GLRA2: variants seen among roughly 807,000 people sequenced by gnomAD.
GLRA2 encodes glycine receptor subunit alpha-2.
GLRA2 carries 11 observed loss-of-function variants against 31.6 expected under a neutral mutation model. That is an observed-to-expected ratio of 0.35 (90% confidence interval 0.22 to 0.58). The LOEUF (loss-of-function observed/expected upper bound fraction) is 0.58, where lower values mean the gene tolerates loss of function less well. GLRA2 is among the 20% of genes least tolerant of loss of function. GLRA2 has a pLI of 0.84. For synonymous variants in GLRA2, 132 were observed against 134.0 expected, an observed-to-expected ratio of 0.99 and a Z score of 0.10; for missense variants, 212 against 351.8, an observed-to-expected ratio of 0.60 and a Z score of 3.18.
Position 14,730,505 on chromosome X carries a change from G to C in GLRA2, c.*20G>C. 8.9e-7 allele frequency: 1 copy of C among 1,125,212 alleles called. No homozygotes were observed. Among genetic ancestry groups the C allele is most frequent in the Non-Finnish European group, 1.2e-6 (1 of 828,407 alleles). 92.7% of individuals were successfully genotyped at this position (1,125,212 alleles called of 1,213,427 possible). ...AAATAGATGTGCCCTACAGACCCTG[G>C]GACCTTCTTGCCTCAGTGTTGTGCT... On this transcript the variant is annotated 3_prime_UTR_variant, in exon 9 of 9. Coordinates refer to ENST00000218075, the MANE Select transcript of GLRA2 (RefSeq NM_002063.4).
intron 7 of GLRA2, among the ~76,000 whole-genome samples, chrX:14,635,266 C>A (rs112996809): frequency 1.8e-5 from 2 of 111,378 alleles, no homozygotes; most frequent in African/African-American, 6.5e-5. Context: ...GACATAGTTT[C>A]CAAGCAATTC....
intron 4 of GLRA2, among the ~76,000 whole-genome samples, chrX:14,595,337 G>C (rs1174050641): frequency 1.8e-5 from 2 of 111,806 alleles, no homozygotes; most frequent in African/African-American, 6.5e-5. Flanking sequence ...GAAGGTGTTT[G>C]AGCAAGGATA....
At chrX:14,468,482 G>A in the GLRA2 span, among the ~76,000 whole-genome samples, 2 of 111,872 alleles carry the variant, frequency 1.8e-5, no homozygotes, top group East Asian at 5.6e-4. Flanking sequence ...CTTATTTGAT[G>A]TGGAACGCTT....
chrX:14,638,149 CA>C (rs2090732165), intron 7 of GLRA2, among the ~76,000 whole-genome samples: 1 of 110,705 alleles, frequency 9.0e-6, no homozygotes, highest in Admixed American at 9.7e-5. Flanking sequence ...AAAAGGGTAA[CA>C]AAACAACTTA....
chrX:14,585,911 C>A (rs905702476), intron 4 of GLRA2, among the ~76,000 whole-genome samples: 2 of 112,014 alleles, frequency 1.8e-5, no homozygotes, highest in Non-Finnish European at 3.8e-5. Flanking sequence ...AAGTAATGTT[C>A]TGTCTTGATA....
At chrX:14,462,680 T>G in the GLRA2 span, among the ~76,000 whole-genome samples, 1 of 111,967 alleles carries the variant, frequency 8.9e-6, no homozygotes, top group South Asian at 3.8e-4. Context: ...GTTCTCATAC[T>G]GTGGTTTTCA....
At chrX:14,671,808 G>A (rs2091096491) in intron 7 of GLRA2, among the ~76,000 whole-genome samples, 1 of 112,559 alleles carries the variant, frequency 8.9e-6, no homozygotes, top group Admixed American at 9.4e-5. Flanking sequence ...AGTACTATTT[G>A]CTTCTAAGCA....
intron 6 of GLRA2, among the ~76,000 whole-genome samples, chrX:14,607,746 G>A (rs768007534): frequency 1.8e-5 from 2 of 111,307 alleles, no homozygotes; most frequent in African/African-American, 6.5e-5. Flanking sequence ...GTGTTCTTCA[G>A]TCCTGGATAG....
At chrX:14,598,119 C>T (rs1233041591) in intron 4 of GLRA2, among the ~76,000 whole-genome samples, 2 of 111,255 alleles carry the variant, frequency 1.8e-5, no homozygotes, top group African/African-American at 6.5e-5. Flanking sequence ...AAATGTGGTC[C>T]CAACAGAGGA....
Position 14,550,116 on chromosome X carries a change from A to G in GLRA2, c.202+17744A>G, listed in dbSNP as rs940015806. 6.3e-5 allele frequency among the ~76,000 whole-genome samples: 7 copies of G among 110,833 alleles called. No homozygotes were observed. In the East Asian group the frequency reaches 2.0e-3, roughly 32 times the overall value. On this transcript the variant is annotated intron_variant, in intron 2 of 8. Coordinates refer to ENST00000218075, the MANE Select transcript of GLRA2 (RefSeq NM_002063.4). Reference sequence around the variant, plus strand: ...AGGCCAATTTCCCTAGAGTGGTGATACAAAAGCCCATACTGAGTTGGTAGA... The same window carrying G: ...AGGCCAATTTCCCTAGAGTGGTGATGCAAAAGCCCATACTGAGTTGGTAGA...
At chrX:14,588,969 C>G (rs1287142074) in intron 4 of GLRA2, among the ~76,000 whole-genome samples, 1 of 111,695 alleles carries the variant, frequency 9.0e-6, no homozygotes, top group African/African-American at 3.3e-5. Context: ...AATTTAGGAG[C>G]CTTTTGGCTG....
At chrX:14,494,288 T>G in the GLRA2 span, among the ~76,000 whole-genome samples, 1 of 111,891 alleles carries the variant, frequency 8.9e-6, no homozygotes, top group Non-Finnish European at 1.9e-5. Context: ...TATAAAGCTG[T>G]AATCTTTTGA....
chrX:14,489,307 C>T, the GLRA2 span, among the ~76,000 whole-genome samples: 3 of 111,283 alleles, frequency 2.7e-5, no homozygotes, highest in Non-Finnish European at 3.8e-5. Flanking sequence ...CTCAAACTCA[C>T]AAATGTTAGG....
chrX:14,604,056 G>T (rs2090304912), intron 4 of GLRA2, among the ~76,000 whole-genome samples: 1 of 110,338 alleles, frequency 9.1e-6, no homozygotes, highest in Non-Finnish European at 1.9e-5. Flanking sequence ...CACCATTTTG[G>T]GGGAAGGAGG....
the GLRA2 span, among the ~76,000 whole-genome samples, chrX:14,484,095 T>C: frequency 2.0e-4 from 22 of 111,574 alleles, no homozygotes; most frequent in Non-Finnish European, 3.6e-4. Context: ...AATAAACTCG[T>C]ATATGTATTT....
At chrX:14,594,365 C>G (rs2090178255) in intron 4 of GLRA2, among the ~76,000 whole-genome samples, 1 of 111,402 alleles carries the variant, frequency 9.0e-6, no homozygotes, top group Non-Finnish European at 1.9e-5. Context: ...AGCTGTAATA[C>G]TAGACGCATA....
upstream of GLRA2, among the ~76,000 whole-genome samples, chrX:14,527,939 T>C (rs1196145220): frequency 8.9e-6 from 1 of 112,505 alleles, no homozygotes; most frequent in African/African-American, 3.2e-5. Flanking sequence ...TGTTTTTCTT[T>C]TAAATTGAAT....
At chrX:14,470,368 A>G in the GLRA2 span, among the ~76,000 whole-genome samples, 5,356 of 111,549 alleles carry the variant, frequency 0.048, 315 homozygotes, top group African/African-American at 0.17. Flanking sequence ...CCTGACAGTG[A>G]CATCCAATTT....
chrX:14,726,044 G>C, intron 8 of GLRA2, among the ~76,000 whole-genome samples: 1 of 112,215 alleles, frequency 8.9e-6, no homozygotes. Flanking sequence ...TGGCTAATCA[G>C]AAGAAATGGA....
Sources: allele counts gnomAD v4.1 joint callset (sites outside exome capture counted in the v4.1 genomes callset), GRCh38; gene constraint gnomAD v4.1.1; transcripts MANE v1.5; gene names NCBI Gene and HGNC (gene_info 2026-07-23, HGNC 2026-07-21).